TSNARE1: variants seen among roughly 807,000 people sequenced by gnomAD.
TSNARE1 encodes t-SNARE domain-containing protein 1.
In TSNARE1, 49 loss-of-function variants were observed where a neutral mutation model predicts 62.0. The ratio of observed to expected loss-of-function variants is 0.79; its 90% CI spans 0.63 to 1.00. TSNARE1 has a LOEUF of 1.00. TSNARE1 is among the 50% of genes least tolerant of loss of function. The pLI is 0.00. For missense variants in TSNARE1, 755 were observed against 700.1 expected, an observed-to-expected ratio of 1.08 and a Z score of -0.88; for synonymous variants, 328 against 294.4, an observed-to-expected ratio of 1.11 and a Z score of -1.17.
intron 12 of TSNARE1, among the ~76,000 whole-genome samples, chr8:142,238,725 A>ACCCACACCTGCACG (rs1563769390): frequency 1.5e-5 from 1 of 67,250 alleles, no homozygotes; most frequent in Non-Finnish European, 2.8e-5. Flanking sequence ...GCCCCTGCAC[A>ACCCACACCTGCACG]CCCGCCCCTG....
intron 10 of TSNARE1, among the ~76,000 whole-genome samples, chr8:142,293,463 G>A (rs1172920389): frequency 1.3e-5 from 2 of 152,240 alleles, no homozygotes; most frequent in Admixed American, 1.3e-4. Flanking sequence ...TTCACCCTGA[G>A]GCCAGCAGAG....
intron 6 of TSNARE1, among the ~76,000 whole-genome samples, chr8:142,330,458 G>GC (rs1830854406): frequency 6.6e-6 from 1 of 152,220 alleles, no homozygotes; most frequent in Non-Finnish European, 1.5e-5. Context: ...AAGATCGGAC[G>GC]CCCCACTCCA....
chr8:142,333,668 C>T (rs926341372), intron 4 of TSNARE1, among the ~76,000 whole-genome samples: 7 of 152,190 alleles, frequency 4.6e-5, no homozygotes, highest in Non-Finnish European at 1.0e-4. Flanking sequence ...CCTGGCACTC[C>T]ATCTGGGTGC....
At chr8:142,217,213 C>G (rs1204546337) in intron 13 of TSNARE1, among the ~76,000 whole-genome samples, 1 of 150,476 alleles carries the variant, frequency 6.6e-6, no homozygotes, top group Non-Finnish European at 1.5e-5. Context: ...CACTGCACTC[C>G]AACCTGGGCA....
At chr8:142,311,690 G>A (rs1024233444) in intron 9 of TSNARE1, among the ~76,000 whole-genome samples, 7 of 152,068 alleles carry the variant, frequency 4.6e-5, no homozygotes, top group East Asian at 1.9e-4. Context: ...ACTCTCAATC[G>A]TTACCTCTTC....
chr8:142,282,845 G>A (rs1214599537), intron 11 of TSNARE1, among the ~76,000 whole-genome samples: 3 of 138,506 alleles, frequency 2.2e-5, no homozygotes, highest in Non-Finnish European at 4.7e-5. Flanking sequence ...TGGAGGTGGG[G>A]CCAGTGTCTA....
intron 6 of TSNARE1, among the ~76,000 whole-genome samples, chr8:142,324,397 C>A (rs1472254259): frequency 6.6e-6 from 1 of 152,208 alleles, no homozygotes; most frequent in Non-Finnish European, 1.5e-5. Context: ...TCCTGTACTA[C>A]CAGCCAGGTG....
At chr8:142,294,828 T>C (rs1011081013) in intron 10 of TSNARE1, among the ~76,000 whole-genome samples, 1 of 152,192 alleles carries the variant, frequency 6.6e-6, no homozygotes, top group Admixed American at 6.5e-5. Context: ...ATGCCAGGGC[T>C]CGCACTGCTG....
chr8:142,318,564 G>A lies in TSNARE1; in HGVS notation c.964C>T (p.Leu322=). ...CATACCGGGCAGGAGCTGCGCAGCAGCTCGGCCATCTGCTTCACGGAGCTG... is the reference window on the plus strand; with the variant it reads ...CATACCGGGCAGGAGCTGCGCAGCAACTCGGCCATCTGCTTCACGGAGCTG... ...SASSVKQMAE[L]LRSSCPQERL... The change falls in exon 7 of 14, where the codon CTG becomes TTG. Residue 322 remains leucine, a synonymous_variant. Coordinates refer to ENST00000524325, the MANE Select transcript of TSNARE1 (RefSeq NM_145003.5). 1.9e-6 allele frequency: 3 copies of A among 1,613,454 alleles called. No homozygotes were observed. Among genetic ancestry groups the A allele is most frequent in the South Asian group, 2.2e-5 (2 of 91,082 alleles).
At chr8:142,339,134 T>C (rs754133108) in intron 4 of TSNARE1, among the ~76,000 whole-genome samples, 2 of 152,094 alleles carry the variant, frequency 1.3e-5, no homozygotes, top group African/African-American at 4.8e-5. Context: ...ACATCCATGA[T>C]GGTGCTTCAA....
chr8:142,242,664 T>C (rs1817717193), intron 12 of TSNARE1, among the ~76,000 whole-genome samples: 1 of 152,066 alleles, frequency 6.6e-6, no homozygotes. Context: ...GAAAGAGACA[T>C]ACAAAAAGCT....
intron 9 of TSNARE1, among the ~76,000 whole-genome samples, chr8:142,305,360 G>A (rs974201489): frequency 1.3e-5 from 2 of 152,140 alleles, no homozygotes; most frequent in African/African-American, 4.8e-5. Flanking sequence ...GTGGGAGGGG[G>A]GTGCAAACGG....
At chr8:142,268,001 C>T (rs998843003) in intron 12 of TSNARE1, among the ~76,000 whole-genome samples, 2 of 152,222 alleles carry the variant, frequency 1.3e-5, no homozygotes, top group African/African-American at 4.8e-5. Flanking sequence ...TCCTGGCGAA[C>T]CTCAGGCCAC....
chr8:142,387,922 T>C (rs1837216748), intron 1 of TSNARE1, among the ~76,000 whole-genome samples: 1 of 152,184 alleles, frequency 6.6e-6, no homozygotes, highest in Non-Finnish European at 1.5e-5. Flanking sequence ...AACTATAATG[T>C]TGATATCACA....
In TSNARE1 at chr8:142,356,258, G is replaced by C. The variant is rs532523646; in HGVS notation, c.-39-1495C>G. Among the ~76,000 whole-genome samples the C allele has an allele frequency of 7.0e-4, 106 of 152,344 alleles. 1 individual carries two copies. Among genetic ancestry groups the C allele is most frequent in the Non-Finnish European group, 1.0e-3 (71 of 68,040 alleles). On this transcript the variant is annotated intron_variant, in intron 1 of 13. Transcript: ENST00000524325. ...ACGAAAACACCCGGCCCCACGCAGA[G>C]AGGCAGCAGGGAGAGTGGTCCTCAG...
At chr8:142,230,046 A>G (rs1248319156) in intron 12 of TSNARE1, among the ~76,000 whole-genome samples, 1 of 152,224 alleles carries the variant, frequency 6.6e-6, no homozygotes, top group African/African-American at 2.4e-5. Flanking sequence ...TTCACCAGAT[A>G]GTCTTACTTG....
intron 9 of TSNARE1, among the ~76,000 whole-genome samples, chr8:142,313,129 T>C (rs1827875230): frequency 6.6e-6 from 1 of 152,212 alleles, no homozygotes; most frequent in Admixed American, 6.5e-5. Flanking sequence ...TGTGTCTGCA[T>C]TTATCTGCAT....
chr8:142,402,512 G>A (rs1564025530), intron 1 of TSNARE1, among the ~76,000 whole-genome samples: 1 of 152,250 alleles, frequency 6.6e-6, no homozygotes, highest in Non-Finnish European at 1.5e-5. Flanking sequence ...GTTTCTGCGG[G>A]GGCAGCACAG....
At chr8:142,367,155 T>G (rs1026774157) in intron 1 of TSNARE1, among the ~76,000 whole-genome samples, 1 of 152,224 alleles carries the variant, frequency 6.6e-6, no homozygotes, top group African/African-American at 2.4e-5. Flanking sequence ...TGTTCTTGAA[T>G]AGAATGACTG....
Sources: gnomAD v4.1 joint callset for allele counts (sites outside exome capture counted in the v4.1 genomes callset) on GRCh38, gnomAD v4.1.1 for gene constraint, MANE v1.5 for transcripts, NCBI Gene and HGNC (gene_info 2026-07-23, HGNC 2026-07-21) for gene names.